The following EFCAB10 variants were observed in gnomAD, a reference collection of about 807,000 sequenced individuals.
EFCAB10 encodes EF-hand calcium-binding domain-containing protein 10.
A neutral mutation model predicts 7.7 loss-of-function variants in EFCAB10; 7 were observed. That is an observed-to-expected ratio of 0.91 (90% CI 0.52 to 1.72). The LOEUF (loss-of-function observed/expected upper bound fraction) is 1.72, where lower values mean the gene tolerates loss of function less well. Ranked by LOEUF, EFCAB10 falls within the 40% of genes most tolerant of loss-of-function variation. EFCAB10 has a pLI of 0.00. For synonymous variants in EFCAB10, 52 were observed against 21.0 expected, an observed-to-expected ratio of 2.47 and a Z score of -4.03; for missense variants, 112 against 61.5, an observed-to-expected ratio of 1.82 and a Z score of -2.74.
intron 1 of EFCAB10, chr7:105,573,690 A>G (rs1792002470): frequency 6.6e-6 from 1 of 152,226 alleles, no homozygotes; most frequent in African/African-American, 2.4e-5. Context: ...CATCTTAATC[A>G]TAATAGCTAT....
At chr7:105,565,842 G>C (rs1192255875) in intron 4 of EFCAB10, among the ~76,000 whole-genome samples, 4 of 152,150 alleles carry the variant, frequency 2.6e-5, no homozygotes, top group Non-Finnish European at 4.4e-5. Context: ...ACCTCAAAAA[G>C]TTTCAGAACT....
At chr7:105,570,610 A>G (rs1791924971) in intron 1 of EFCAB10, among the ~76,000 whole-genome samples, 1 of 151,716 alleles carries the variant, frequency 6.6e-6, no homozygotes, top group Non-Finnish European at 1.5e-5. Context: ...GGATCTTGCT[A>G]TGTTGCCCAG....
At position 105,569,309 on chromosome 7, in the gene EFCAB10, A is replaced by G. The variant is rs1170414553; in HGVS notation, c.272-19T>C. The G allele has an allele frequency of 8.6e-6, 6 of 696,480 alleles. No individual in the cohort carries two copies. The highest frequency in any genetic ancestry group is 1.6e-5 in the Non-Finnish European group (6 of 383,534). 43.1% of individuals were successfully genotyped at this position (696,480 alleles called of 1,614,324 possible). A position where few individuals can be genotyped will look rare whatever the true frequency, so the allele number is the denominator to read the frequency against. Reference sequence around the variant, plus strand: ...TTTAGGGCTGTAAAATAATGAGAAGAAATGAAGTGAGAATTTTACAAAGTG... The same window carrying G: ...TTTAGGGCTGTAAAATAATGAGAAGGAATGAAGTGAGAATTTTACAAAGTG... On this transcript the variant is annotated intron_variant, in intron 2 of 4. Transcript: ENST00000480514.
Position 105,567,047 on chromosome 7 carries a change from A to G in EFCAB10, c.383+420T>C, listed in dbSNP as rs138529087. The G allele has an allele frequency of 2.9e-4, 273 of 929,876 alleles. No individual in the cohort carries two copies. In the African/African-American group the frequency reaches 4.0e-3, roughly 14 times the overall value. The allele number at this position is 929,876 out of a possible 1,614,324, so 57.6% of individuals were successfully genotyped here. On this transcript the variant is annotated intron_variant, in intron 4 of 4. Coordinates refer to ENST00000480514, the MANE Select transcript of EFCAB10 (RefSeq NM_001355526.2). ...CAGCAGTGCAGAGAAGCTGTTTAGG[A>G]TTCTCAAAATTGTAATATAATTGAT... is the stretch of plus-strand genomic sequence containing the variant.
chr7:105,569,879 G>T (rs960120751), intron 1 of EFCAB10, among the ~76,000 whole-genome samples: 6 of 151,970 alleles, frequency 3.9e-5, no homozygotes, highest in Admixed American at 1.3e-4. Context: ...AAAACATAGA[G>T]GGAACAGCAT....
At chr7:105,567,557 G>A (rs959941599) in intron 3 of EFCAB10, 67 bp from the exon 4 acceptor site, 1 of 654,526 alleles carries the variant, frequency 1.5e-6, no homozygotes, top group East Asian at 2.7e-5. Flanking sequence ...TAAATGCTGA[G>A]TATGTCTGTT....
At chr7:105,579,489 ATAT>A (rs1665261763) in intron 1 of EFCAB10, among the ~76,000 whole-genome samples, 1 of 152,206 alleles carries the variant, frequency 6.6e-6, no homozygotes, top group Non-Finnish European at 1.5e-5. Flanking sequence ...AAATGTAAAT[ATAT>A]TATTAACCAG....
intron 1 of EFCAB10, among the ~76,000 whole-genome samples, chr7:105,570,260 T>TACAC (rs1183297943): frequency 2.1e-5 from 2 of 95,632 alleles, no homozygotes; most frequent in East Asian, 2.9e-4. Flanking sequence ...TATATATATA[T>TACAC]ATATATATAC....
At chr7:105,576,480 T>C (rs1483302882) in intron 1 of EFCAB10, among the ~76,000 whole-genome samples, 1 of 152,148 alleles carries the variant, frequency 6.6e-6, no homozygotes, top group East Asian at 1.9e-4. Flanking sequence ...TCTCACTCTG[T>C]TGCCCAGGCT....
intron 1 of EFCAB10, chr7:105,572,967 A>T (rs1369524199): frequency 6.6e-6 from 1 of 152,100 alleles, no homozygotes; most frequent in East Asian, 1.9e-4. Flanking sequence ...TTCTATGGAA[A>T]AATGTCTATC....
chr7:105,567,769 T>C, intron 3 of EFCAB10: 1 of 349,504 alleles, frequency 2.9e-6, no homozygotes, highest in Non-Finnish European at 5.2e-6. Context: ...CAGTGTCTCA[T>C]GCCTGTAATC....
At position 105,567,751 on chromosome 7, in the gene EFCAB10, G is replaced by A. The variant is rs569011734; in HGVS notation, c.360-261C>T. The A allele has an allele frequency of 5.5e-5, 22 of 399,698 alleles. 1 individual carries two copies. In the South Asian group the frequency reaches 8.3e-4, roughly 15 times the overall value. 24.8% of individuals were successfully genotyped at this position (399,698 alleles called of 1,614,324 possible). A position where few individuals can be genotyped will look rare whatever the true frequency, so the allele number is the denominator to read the frequency against. ...TAACTGTATTTCCATGAGGAAACTGGCAGGGCACAGTGTCTCATGCCTGTA... is the reference window on the plus strand; with the variant it reads ...TAACTGTATTTCCATGAGGAAACTGACAGGGCACAGTGTCTCATGCCTGTA... On this transcript the variant is annotated intron_variant, in intron 3 of 4. Coordinates refer to ENST00000480514, the MANE Select transcript of EFCAB10 (RefSeq NM_001355526.2).
chr7:105,573,146 G>T (rs1031178398), intron 1 of EFCAB10: 1 of 151,724 alleles, frequency 6.6e-6, no homozygotes, highest in South Asian at 2.1e-4. Context: ...TAATTTATAG[G>T]TTTCCACTGC....
chr7:105,576,518 C>T (rs1385573731), intron 1 of EFCAB10, among the ~76,000 whole-genome samples: 1 of 152,156 alleles, frequency 6.6e-6, no homozygotes, highest in Admixed American at 6.5e-5. Flanking sequence ...TCTCAGCTCA[C>T]TGCAAGCTCC....
chr7:105,578,717 T>C (rs1223366872), intron 1 of EFCAB10, among the ~76,000 whole-genome samples: 4 of 152,122 alleles, frequency 2.6e-5, no homozygotes, highest in African/African-American at 4.8e-5. Context: ...TAGAAGACAA[T>C]GGGGCAATGC....
chr7:105,569,126 C>A (rs1167420363), intron 3 of EFCAB10, 77 bp downstream of exon 3: 2 of 675,290 alleles, frequency 3.0e-6, no homozygotes, highest in Admixed American at 2.4e-5. Flanking sequence ...AAGATAGGAA[C>A]CTGTTTTAAA....
chr7:105,570,881 CG>C (rs1791932490), intron 1 of EFCAB10, among the ~76,000 whole-genome samples: 1 of 152,010 alleles, frequency 6.6e-6, no homozygotes, highest in African/African-American at 2.4e-5. Flanking sequence ...AAAACTTAGC[CG>C]GGCGTGGTGA....
intron 1 of EFCAB10, among the ~76,000 whole-genome samples, chr7:105,576,921 G>T (rs1185987674): frequency 6.6e-6 from 1 of 152,122 alleles, no homozygotes; most frequent in African/African-American, 2.4e-5. Flanking sequence ...GGGCATGGTG[G>T]TTTGCACCTG....
rs571877776 is a variant in EFCAB10 at position 105,567,467 on chromosome 7, C to T, written c.383G>A (p.Ter128=). 1.4e-6 allele frequency: 1 copy of T among 715,856 alleles called. No individual in the cohort carries two copies. Among genetic ancestry groups the T allele is most frequent in the East Asian group, 2.7e-5 (1 of 37,300 alleles). The allele number at this position is 715,856 out of a possible 1,614,324, so 44.3% of individuals were successfully genotyped here. A position where few individuals can be genotyped will look rare whatever the true frequency, so the allele number is the denominator to read the frequency against. Residue 128 remains the stop codon, a splice_region_variant and stop_retained_variant, in exon 4 of 5, where the codon TGA becomes TAA. Transcript: ENST00000480514. ...EEVNKRMKEI[*] ...TTTATGGTGTTATTAAAATGCTGAC[C>T]ATATTTCCTTCATCCTCTTGTTCCT...
Sources: allele counts gnomAD v4.1 joint callset (sites outside exome capture counted in the v4.1 genomes callset), GRCh38; gene constraint gnomAD v4.1.1; transcripts MANE v1.5; gene names NCBI Gene and HGNC (gene_info 2026-07-23, HGNC 2026-07-21).